The following P4HA2 variants were observed in gnomAD, a reference collection of about 807,000 sequenced individuals.
P4HA2 encodes the protein prolyl 4-hydroxylase subunit alpha 2, also known as prolyl 4-hydroxylase subunit alpha-2.
P4HA2 carries 46 observed loss-of-function variants against 76.9 expected under a neutral mutation model. The ratio of observed to expected loss-of-function variants is 0.60; its 90% CI spans 0.47 to 0.76. P4HA2 has a LOEUF of 0.76. Among genes scored for constraint, P4HA2 ranks in the 30% least tolerant of loss-of-function variants. The pLI, the probability that P4HA2 is intolerant of heterozygous loss-of-function variation, is 0.00. For synonymous variants in P4HA2, 243 were observed against 254.0 expected (o/e 0.96, Z 0.41); for missense variants, 583 against 669.4 (o/e 0.87, Z 1.42).
At chr5:132,201,010 C>G (rs959244235) in intron 10 of P4HA2, 1 of 152,260 alleles carries the variant, frequency 6.6e-6, no homozygotes, top group African/African-American at 2.4e-5. Context: ...CAGGCATACT[C>G]AAGTCCCCAG....
intron 4 of P4HA2, among the ~76,000 whole-genome samples, chr5:132,216,162 CAAAAAAAAAAAA>C (rs5871448): frequency 3.2e-5 from 2 of 63,168 alleles, no homozygotes; most frequent in African/African-American, 6.8e-5. Flanking sequence ...GACTCAGTCT[CAAAAAAAAAAAA>C]AAAAAAAAAA....
chr5:132,206,013 A>G (rs2126570473), intron 8 of P4HA2, among the ~76,000 whole-genome samples: 1 of 152,170 alleles, frequency 6.6e-6, no homozygotes, highest in East Asian at 1.9e-4. Context: ...TGTCCCTCAC[A>G]GTCTCCGGAA....
Position 132,218,746 on chromosome 5 carries a change from C to T in P4HA2, c.-18-102G>A, listed in dbSNP as rs951225157. 2.9e-5 allele frequency: 20 copies of T among 691,770 alleles called. No homozygotes were observed. In the East Asian group the frequency reaches 5.6e-4, roughly 19 times the overall value. The allele number at this position is 691,770 out of a possible 1,614,324, so 42.9% of individuals were successfully genotyped here. On this transcript the variant is annotated intron_variant, in intron 1 of 14. Coordinates refer to ENST00000360568, the MANE Select transcript of P4HA2 (RefSeq NM_001017974.2). ...GTACACACATATGCAGATAATCAAA[C>T]ATATCAAAATCCTGGCCTAGCACAC...
Position 132,198,916 on chromosome 5 carries a change from A to T in P4HA2, c.1268T>A (p.Val423Glu). Residue 423 changes from valine (V) to glutamate (E), a missense_variant, in exon 11 of 15, where the codon GTG becomes GAG. Val to Glu is a moderately radical substitution (Grantham distance 121, BLOSUM62 -2). Coordinates refer to ENST00000360568, the MANE Select transcript of P4HA2 (RefSeq NM_001017974.2). ...GAAGTGCGGTTCATACTGTCCTCCCACTCCATAATTTGCAACCTGTGGGAA... is the reference window on the plus strand; with the variant it reads ...GAAGTGCGGTTCATACTGTCCTCCCTCTCCATAATTTGCAACCTGTGGGAA... ...AELLQVANYG[V>E]GGQYEPHFDF... 1 of 1,612,308 alleles carries T rather than the reference A, an allele frequency of 6.2e-7. No individual in the cohort carries two copies. The highest frequency in any genetic ancestry group is 8.5e-7 in the Non-Finnish European group (1 of 1,178,364).
intron 12 of P4HA2, 115 bp from the exon 13 acceptor site, chr5:132,195,595 ACTTG>A: frequency 1.3e-6 from 1 of 762,632 alleles, no homozygotes; most frequent in Non-Finnish European, 2.3e-6. Flanking sequence ...GAGTGACACT[ACTTG>A]GTGTCTGCTC....
At position 132,204,113 on chromosome 5, in the gene P4HA2, G is replaced by A; in HGVS notation, c.1120C>T (p.Leu374Phe). 6.2e-7 allele frequency: 1 copy of A among 1,613,850 alleles called. No individual in the cohort carries two copies. The highest frequency in any genetic ancestry group is 1.1e-5 in the South Asian group (1 of 91,080). Reference protein sequence around the residue: ...ATVRDPKTGVLTVASYRVSKS... With the variant: ...ATVRDPKTGVFTVASYRVSKS... ...GAAACCCGGTAGCTGGCGACAGTGAGGACTCCTGTCTTGGGATCACGAACG... is the reference window on the plus strand; with the variant it reads ...GAAACCCGGTAGCTGGCGACAGTGAAGACTCCTGTCTTGGGATCACGAACG... Residue 374 changes from leucine to phenylalanine, a missense_variant, in exon 9 of 15, where the codon CTC (leucine) becomes TTC (phenylalanine). Leu to Phe is a conservative substitution (Grantham distance 22). Coordinates refer to ENST00000360568, the MANE Select transcript of P4HA2 (RefSeq NM_001017974.2).
At position 132,195,444 on chromosome 5, in the gene P4HA2, G is replaced by C. The variant is rs561909183; in HGVS notation, c.1402C>G (p.Pro468Ala). The C allele has an allele frequency of 6.2e-7, 1 of 1,613,482 alleles. No homozygotes were observed. Among genetic ancestry groups the C allele is most frequent in the Admixed American group, 1.7e-5 (1 of 60,014 alleles). The change falls in exon 13 of 15, where the codon CCT becomes GCT. Residue 468 changes from proline to alanine, a missense_variant. Pro to Ala is a conservative substitution (Grantham distance 27). Transcript: ENST00000360568. ...GGCCAAATTGCAGCCCCCAGATCAG[G>C]GAAGACGGTGGCACCACCAGCTTCT... ...DVEAGGATVF[P>A]DLGAAIWPKK...
At chr5:132,197,156 A>G (rs1750749135) in intron 12 of P4HA2, among the ~76,000 whole-genome samples, 1 of 152,196 alleles carries the variant, frequency 6.6e-6, no homozygotes, top group Non-Finnish European at 1.5e-5. Flanking sequence ...TGGATAAAAC[A>G]GAGGCAAGAG....
chr5:132,205,594 G>A (rs1320203511), intron 8 of P4HA2, among the ~76,000 whole-genome samples: 1 of 152,218 alleles, frequency 6.6e-6, no homozygotes, highest in Non-Finnish European at 1.5e-5. Flanking sequence ...AGATGATGGT[G>A]GCCCGGGCCA....
Position 132,190,900 on chromosome 5 carries a change from C to T in P4HA2, c.*2110G>A, listed in dbSNP as rs1749851459. 6.6e-6 allele frequency among the ~76,000 whole-genome samples: 1 copy of T among 152,178 alleles called. No individual in the cohort carries two copies. Among genetic ancestry groups the T allele is most frequent in the African/African-American group, 2.4e-5 (1 of 41,434 alleles). ...CTAATAAACATGAAAAGTTGTTCAA[C>T]ATTATCAGTAATGTTCAAATAGACA... is the stretch of plus-strand genomic sequence containing the variant. On this transcript the variant is annotated 3_prime_UTR_variant, in exon 15 of 15. Transcript: ENST00000360568.
At chr5:132,206,205 G>C (rs1752192870) in intron 8 of P4HA2, among the ~76,000 whole-genome samples, 1 of 152,284 alleles carries the variant, frequency 6.6e-6, no homozygotes, top group East Asian at 1.9e-4. Context: ...TCAGTGTCTG[G>C]AACTGAAGAA....
chr5:132,207,012 C>G (rs967061015), intron 8 of P4HA2, among the ~76,000 whole-genome samples: 4 of 152,134 alleles, frequency 2.6e-5, no homozygotes, highest in Non-Finnish European at 5.9e-5. Context: ...TGACATAACA[C>G]TTAATATATA....
rs554863617 is a variant in P4HA2 at position 132,221,212 on chromosome 5, T to C, written c.-18-2568A>G. 1.1e-3 allele frequency among the ~76,000 whole-genome samples: 174 copies of C among 152,332 alleles called. 1 individual carries two copies. Among genetic ancestry groups the C allele is most frequent in the African/African-American group, 3.9e-3 (161 of 41,574 alleles). On this transcript the variant is annotated intron_variant, in intron 1 of 14. Coordinates refer to ENST00000360568, the MANE Select transcript of P4HA2 (RefSeq NM_001017974.2). ...CTGAGTGCCCCTACAAAGTGTCCAG[T>C]GCTGCTAAAAGCCCTCCCAGAAACC...
rs183609379 is a variant in P4HA2 at position 132,191,042 on chromosome 5, G to A, written c.*1968C>T. ...AAGTCCGAGATCAAGATGCTAGTAG[G>A]TTTGTTTCTGGTAAGGGCCCCCTGG... On this transcript the variant is annotated 3_prime_UTR_variant, in exon 15 of 15. Coordinates refer to ENST00000360568, the MANE Select transcript of P4HA2 (RefSeq NM_001017974.2). Among the ~76,000 whole-genome samples the A allele has an allele frequency of 6.6e-6, 1 of 152,310 alleles. No homozygotes were observed. The highest frequency in any genetic ancestry group is 2.4e-5 in the African/African-American group (1 of 41,572).
chr5:132,193,240 A>C lies in P4HA2; in HGVS notation c.1532-160T>G, dbSNP rs1750113164. 4 of 613,010 alleles carry C rather than the reference A, an allele frequency of 6.5e-6. No individual in the cohort carries two copies. In the South Asian group the frequency reaches 8.1e-5, roughly 12 times the overall value. 38.0% of individuals were successfully genotyped at this position (613,010 alleles called of 1,614,324 possible). Reference sequence around the variant, plus strand: ...CAATTTGCTGAAGAATTGGTAAGGAAGACACATGTAAACAGATAATTGTAT... The same window carrying C: ...CAATTTGCTGAAGAATTGGTAAGGACGACACATGTAAACAGATAATTGTAT... On this transcript the variant is annotated intron_variant, in intron 14 of 14. Coordinates refer to ENST00000360568, the MANE Select transcript of P4HA2 (RefSeq NM_001017974.2).
chr5:132,196,609 C>T (rs1421132847), intron 12 of P4HA2, among the ~76,000 whole-genome samples: 3 of 152,180 alleles, frequency 2.0e-5, no homozygotes, highest in East Asian at 3.8e-4. Context: ...GCCTGTAATG[C>T]CAGCACTTTG....
chr5:132,218,613 A>G lies in P4HA2; in HGVS notation c.14T>C (p.Val5Ala), dbSNP rs373491966. The G allele has an allele frequency of 4.3e-6, 7 of 1,613,650 alleles. No individual in the cohort carries two copies. The East Asian group carries it at 6.7e-5, about 15-fold the overall frequency. ...AAACCAGGCCATCAGCAATGCAGAC[A>G]CCCAGAGTTTCATGGTCACAGAGGG... MKLWVSALLMAWFGV... is the reference protein window; with the variant it reads MKLWASALLMAWFGV... Residue 5 changes from valine (V) to alanine (A), a missense_variant, in exon 2 of 15, where the codon GTG becomes GCG. Coordinates refer to ENST00000360568, the MANE Select transcript of P4HA2 (RefSeq NM_001017974.2).
rs1189878296 is a variant in P4HA2 at position 132,191,998 on chromosome 5, AC to A, written c.*1011del. 6.6e-6 allele frequency: 1 copy of A among 152,272 alleles called. No individual in the cohort carries two copies. The highest frequency in any genetic ancestry group is 1.9e-4 in the East Asian group (1 of 5,208). 9.4% of individuals were successfully genotyped at this position (152,272 alleles called of 1,614,324 possible). ...AAAACAATGTTGAACAAAAGAAGCCACATACCCAAAAATATTTACTCTCATT... is the reference window on the plus strand; with the variant it reads ...AAAACAATGTTGAACAAAAGAAGCCAATACCCAAAAATATTTACTCTCATT... On this transcript the variant is annotated 3_prime_UTR_variant, in exon 15 of 15. Coordinates refer to ENST00000360568, the MANE Select transcript of P4HA2 (RefSeq NM_001017974.2).
chr5:132,212,996 G>A (rs780899030), intron 5 of P4HA2, among the ~76,000 whole-genome samples: 27 of 152,150 alleles, frequency 1.8e-4, no homozygotes, highest in African/African-American at 2.7e-4. Flanking sequence ...ACAGTGAATC[G>A]CTGGGGTTAC....
Sources: gnomAD v4.1 joint callset for allele counts (sites outside exome capture counted in the v4.1 genomes callset) on GRCh38, gnomAD v4.1.1 for gene constraint, MANE v1.5 for transcripts, NCBI Gene and HGNC (gene_info 2026-07-23, HGNC 2026-07-21) for gene names.